The following CHL1 variants were observed in gnomAD, a reference collection of about 807,000 sequenced individuals.
The protein encoded by CHL1 is cell adhesion molecule L1 like.
In CHL1, 96 loss-of-function variants were observed where a neutral mutation model predicts 141.9. The observed-to-expected ratio is 0.68, with a 90% confidence interval of 0.57 to 0.80. The LOEUF is 0.80. CHL1 is among the 30% of genes least tolerant of loss of function. The pLI, the probability that CHL1 is intolerant of heterozygous loss-of-function variation, is 0.00. For missense variants in CHL1, 1,820 were observed against 1,457.2 expected (o/e 1.25, Z -4.05); for synonymous variants, 613 against 502.2 (o/e 1.22, Z -2.95).
At chr3:402,856 T>A (rs138287570) in intron 27 of CHL1, among the ~76,000 whole-genome samples, 80 of 152,342 alleles carry the variant, frequency 5.3e-4, no homozygotes, top group Non-Finnish European at 9.1e-4. Context: ...TCACGAATTG[T>A]GATCATTACT....
At chr3:207,855 T>C (rs903575639) in intron 1 of CHL1, among the ~76,000 whole-genome samples, 4 of 152,138 alleles carry the variant, frequency 2.6e-5, no homozygotes. Context: ...TTGGGCTGAA[T>C]AGATTTTGAA....
chr3:240,737 T>A (rs1254620216), intron 1 of CHL1, among the ~76,000 whole-genome samples: 1 of 151,878 alleles, frequency 6.6e-6, no homozygotes, highest in Non-Finnish European at 1.5e-5. Flanking sequence ...GGGTCTTATA[T>A]TTAAGTCCAT....
intron 1 of CHL1, among the ~76,000 whole-genome samples, chr3:203,811 G>A (rs777042891): frequency 2.0e-5 from 3 of 152,230 alleles, no homozygotes; most frequent in Non-Finnish European, 4.4e-5. Context: ...GCCTATTGTA[G>A]TGGTTTGTGG....
intron 2 of CHL1, among the ~76,000 whole-genome samples, chr3:280,002 T>C (rs1435671226): frequency 6.6e-6 from 1 of 152,188 alleles, no homozygotes; most frequent in East Asian, 1.9e-4. Flanking sequence ...GAGTATTTTT[T>C]AACTGCTGAT....
chr3:319,858 C>T lies in CHL1; in HGVS notation c.82C>T (p.Pro28Ser). The change falls in exon 3 of 28, where the codon CCA (proline) becomes TCA (serine). Residue 28 changes from proline to serine, a missense_variant. Transcript: ENST00000256509. ...AAAATTCTCAAAAGCAATTGAAATA[C>T]CATCTTCAGGTAAAGTTAAAACATT... ...LLKFSKAIEI[P>S]SSVQQVPTII... The T allele has an allele frequency of 6.4e-7, 1 of 1,558,788 alleles. No individual in the cohort carries two copies. The highest frequency in any genetic ancestry group is 8.8e-7 in the Non-Finnish European group (1 of 1,138,316).
chr3:304,648 T>C (rs560278154), intron 2 of CHL1, among the ~76,000 whole-genome samples: 1 of 152,314 alleles, frequency 6.6e-6, no homozygotes, highest in African/African-American at 2.4e-5. Context: ...TTTATTAGTC[T>C]GGCTAGCGGT....
intron 19 of CHL1, among the ~76,000 whole-genome samples, chr3:388,221 TA>T (rs1432207696): frequency 6.6e-6 from 1 of 152,172 alleles, no homozygotes; most frequent in Non-Finnish European, 1.5e-5. Flanking sequence ...AATTAAAAAC[TA>T]AAGTGGAAAT....
At chr3:324,605 CTTTATTTATTTATTTA>C (rs60745240) in intron 3 of CHL1, among the ~76,000 whole-genome samples, 8,890 of 146,096 alleles carry the variant, frequency 0.061, 335 homozygotes, top group South Asian at 0.13. Context: ...TCACTTCCTA[CTTTATTTATTTATTTA>C]TTTATTTATT....
intron 2 of CHL1, among the ~76,000 whole-genome samples, chr3:253,192 A>C (rs1423287445): frequency 6.6e-6 from 1 of 152,132 alleles, no homozygotes; most frequent in African/African-American, 2.4e-5. Context: ...ACACATGGTA[A>C]ACTCTCAATA....
chr3:211,244 T>C (rs1367876446), intron 1 of CHL1, among the ~76,000 whole-genome samples: 1 of 152,246 alleles, frequency 6.6e-6, no homozygotes, highest in Non-Finnish European at 1.5e-5. Context: ...GCAGGCTTTC[T>C]GCCCTGAAAT....
chr3:255,505 G>A (rs924451724), intron 2 of CHL1, among the ~76,000 whole-genome samples: 1 of 152,028 alleles, frequency 6.6e-6, no homozygotes, highest in African/African-American at 2.4e-5. Flanking sequence ...TTGTATGTGT[G>A]TGTGTGTGTA....
intron 1 of CHL1, among the ~76,000 whole-genome samples, chr3:220,667 G>A (rs1461193259): frequency 6.6e-6 from 1 of 152,060 alleles, no homozygotes; most frequent in Admixed American, 6.6e-5. Context: ...ACTCCAGCTT[G>A]GGCAACATAG....
intron 5 of CHL1, among the ~76,000 whole-genome samples, chr3:328,761 T>A (rs1701211696): frequency 6.6e-6 from 1 of 152,158 alleles, no homozygotes; most frequent in Non-Finnish European, 1.5e-5. Context: ...TTCTTGCTGA[T>A]CACAGCTAAT....
chr3:294,847 A>G (rs1698040503), intron 2 of CHL1, among the ~76,000 whole-genome samples: 1 of 152,232 alleles, frequency 6.6e-6, no homozygotes, highest in African/African-American at 2.4e-5. Flanking sequence ...ATACATGCCT[A>G]ATTGGCATAG....
rs1405003699 is a variant in CHL1, at chr3:366,135, A to G, written c.1751+20A>G. 2 of 1,603,742 alleles carry G rather than the reference A, an allele frequency of 1.2e-6. No individual in the cohort carries two copies. The highest frequency in any genetic ancestry group is 1.7e-6 in the Non-Finnish European group (2 of 1,175,208). On this transcript the variant is annotated intron_variant, in intron 15 of 27. Transcript: ENST00000256509. ...TGGCAGGTAGGTAAACTATTATGATATGTCATAATATTTGCTTGGGGTAAA... is the reference window on the plus strand; with the variant it reads ...TGGCAGGTAGGTAAACTATTATGATGTGTCATAATATTTGCTTGGGGTAAA...
At chr3:334,237 A>G (rs1701688764) in intron 5 of CHL1, among the ~76,000 whole-genome samples, 1 of 152,122 alleles carries the variant, frequency 6.6e-6, no homozygotes, top group African/African-American at 2.4e-5. Context: ...GGGTTTTGCT[A>G]TGTTGCCCAC....
intron 3 of CHL1, among the ~76,000 whole-genome samples, chr3:321,836 T>G (rs947801264): frequency 6.6e-6 from 1 of 152,040 alleles, no homozygotes; most frequent in African/African-American, 2.4e-5. Context: ...GATATCCAAT[T>G]TGAATGTCAA....
chr3:257,601 C>A (rs1349732516), intron 2 of CHL1, among the ~76,000 whole-genome samples: 1 of 152,116 alleles, frequency 6.6e-6, no homozygotes, highest in Non-Finnish European at 1.5e-5. Flanking sequence ...GATCTACTGC[C>A]TCGGCCTCCC....
At chr3:324,132 T>C (rs1243046766) in intron 3 of CHL1, among the ~76,000 whole-genome samples, 1 of 148,184 alleles carries the variant, frequency 6.7e-6, no homozygotes, top group Non-Finnish European at 1.5e-5. Flanking sequence ...AAAAGAGTCC[T>C]GAGACCAACA....
Sources: gnomAD v4.1 joint callset for allele counts (sites outside exome capture counted in the v4.1 genomes callset) on GRCh38, gnomAD v4.1.1 for gene constraint, MANE v1.5 for transcripts, NCBI Gene and HGNC (gene_info 2026-07-23, HGNC 2026-07-21) for gene names.